The following MAPK10 variants were observed in gnomAD, a reference collection of about 807,000 sequenced individuals.
MAPK10 encodes the protein mitogen-activated protein kinase 10.
A neutral mutation model predicts 59.3 loss-of-function variants in MAPK10; 25 were observed. That is an observed-to-expected ratio of 0.42 (90% CI 0.31 to 0.59). The LOEUF (loss-of-function observed/expected upper bound fraction) is 0.59, where lower values mean the gene tolerates loss of function less well. MAPK10 is among the 20% of genes least tolerant of loss of function. MAPK10 has a pLI of 0.15. For synonymous variants in MAPK10, 190 were observed against 200.5 expected (o/e 0.95, Z 0.44); for missense variants, 351 against 568.9 (o/e 0.62, Z 3.90).
chr4:86,581,902 TATATATATATATATATATA>T (rs1762315912), intron 1 of MAPK10, among the ~76,000 whole-genome samples: 2 of 1,842 alleles, frequency 1.1e-3, no homozygotes, highest in African/African-American at 4.6e-3. Context: ...ATATATATTA[TATATATATATATATATATA>T]TATATATATA....
chr4:86,080,263 G>T (rs2050365210), intron 9 of MAPK10: 1 of 151,024 alleles, frequency 6.6e-6, no homozygotes, highest in Non-Finnish European at 1.5e-5. Context: ...TAAATAAAAA[G>T]AAATCCATGC....
At position 86,066,841 on chromosome 4, in the gene MAPK10, T is replaced by A. The variant is rs931167733; in HGVS notation, c.985+932A>T. Among the ~76,000 whole-genome samples the A allele has an allele frequency of 2.0e-5, 3 of 151,228 alleles. No individual in the cohort carries two copies. The South Asian group carries it at 6.3e-4, about 32-fold the overall frequency. On this transcript the variant is annotated intron_variant, in intron 10 of 13. Coordinates refer to ENST00000641462, the MANE Select transcript of MAPK10 (RefSeq NM_138982.4). Reference sequence around the variant, plus strand: ...CATGAACTACACCAATACAAAATCATCTTGCTAAGAAACAATACTATTTTT... The same window carrying A: ...CATGAACTACACCAATACAAAATCAACTTGCTAAGAAACAATACTATTTTT...
chr4:86,378,759 A>G (rs1365872820), intron 1 of MAPK10, among the ~76,000 whole-genome samples: 1 of 152,216 alleles, frequency 6.6e-6, no homozygotes, highest in East Asian at 1.9e-4. Flanking sequence ...GGCACTGGAT[A>G]GGCCTTGGGA....
At chr4:86,086,733 A>C (rs1360833129) in intron 9 of MAPK10, among the ~76,000 whole-genome samples, 1 of 152,114 alleles carries the variant, frequency 6.6e-6, no homozygotes, top group African/African-American at 2.4e-5. Context: ...GTCTCTATTT[A>C]ATAGATTTAG....
At chr4:86,424,821 T>G (rs1054056127) in intron 1 of MAPK10, among the ~76,000 whole-genome samples, 3 of 152,132 alleles carry the variant, frequency 2.0e-5, no homozygotes, top group African/African-American at 7.2e-5. Flanking sequence ...TAATTTGATA[T>G]GAAGACAAAC....
chr4:86,554,090 G>C (rs1269639507), intron 1 of MAPK10, among the ~76,000 whole-genome samples: 1 of 151,862 alleles, frequency 6.6e-6, no homozygotes, highest in South Asian at 2.1e-4. Flanking sequence ...AGGACGAGGG[G>C]GTAGTCATGG....
chr4:86,356,469 C>T (rs982230844), intron 1 of MAPK10: 11 of 905,310 alleles, frequency 1.2e-5, no homozygotes, highest in East Asian at 2.4e-4. Context: ...TACCTGATGT[C>T]TCCTCTTAAG....
intron 2 of MAPK10, among the ~76,000 whole-genome samples, chr4:86,330,149 T>A (rs141620625): frequency 7.3e-4 from 111 of 152,344 alleles, no homozygotes; most frequent in Admixed American, 1.5e-3. Flanking sequence ...CCGTTCAGAA[T>A]AATCAATGTC....
chr4:86,293,182 T>C (rs1487463042), intron 2 of MAPK10, among the ~76,000 whole-genome samples: 2 of 152,208 alleles, frequency 1.3e-5, no homozygotes, highest in African/African-American at 4.8e-5. Context: ...AAAATTAATG[T>C]TCCAAAATGT....
chr4:86,435,138 C>G (rs1388386141), intron 1 of MAPK10, among the ~76,000 whole-genome samples: 1 of 151,872 alleles, frequency 6.6e-6, no homozygotes. Flanking sequence ...AGGAAGGGGC[C>G]AGGGGATGAA....
At position 86,013,121 on chromosome 4, in the gene MAPK10, G is replaced by A. The variant is rs1741885223; in HGVS notation, c.*4107C>T. The stretch of plus-strand genomic sequence containing the variant: ...AAACAGAGGCCCCTCACTTCAGTTT[G>A]GCTGACCAAAGAAACAGGTCAAAGT... On this transcript the variant is annotated 3_prime_UTR_variant, in exon 14 of 14. Transcript: ENST00000641462. 6.6e-6 allele frequency: 1 copy of A among 152,102 alleles called. No homozygotes were observed. The highest frequency in any genetic ancestry group is 2.4e-5 in the African/African-American group (1 of 41,428). The allele number at this position is 152,102 out of a possible 1,614,324, so 9.4% of individuals were successfully genotyped here. A position where few individuals can be genotyped will look rare whatever the true frequency, so the allele number is the denominator to read the frequency against.
At chr4:86,080,177 C>T (rs1160289919) in intron 9 of MAPK10, 4 of 151,640 alleles carry the variant, frequency 2.6e-5, no homozygotes, top group South Asian at 2.1e-4. Context: ...ATAAAATATT[C>T]GAAGAAACGA....
intron 1 of MAPK10, among the ~76,000 whole-genome samples, chr4:86,409,742 C>T (rs1343021999): frequency 1.3e-5 from 2 of 152,168 alleles, no homozygotes; most frequent in Admixed American, 6.5e-5. Context: ...GATTTTTGCA[C>T]ATTGATTTTG....
At chr4:86,370,537 C>A (rs1267764895) in intron 1 of MAPK10, among the ~76,000 whole-genome samples, 1 of 151,894 alleles carries the variant, frequency 6.6e-6, no homozygotes, top group Non-Finnish European at 1.5e-5. Context: ...GAGAAATGGT[C>A]ACCATCAAAA....
At chr4:86,184,719 G>A (rs563019159) in intron 3 of MAPK10, among the ~76,000 whole-genome samples, 4 of 152,198 alleles carry the variant, frequency 2.6e-5, no homozygotes, top group African/African-American at 9.6e-5. Context: ...CACGCTGGCC[G>A]TGTGAGATGC....
At chr4:86,458,740 C>T (rs565823324) in intron 1 of MAPK10, among the ~76,000 whole-genome samples, 1 of 152,290 alleles carries the variant, frequency 6.6e-6, no homozygotes, top group East Asian at 1.9e-4. Flanking sequence ...ACTGGATCCT[C>T]ATCTCTCACC....
At chr4:86,052,085 G>A (rs1007811019) in intron 11 of MAPK10, among the ~76,000 whole-genome samples, 11 of 151,836 alleles carry the variant, frequency 7.2e-5, no homozygotes, top group African/African-American at 2.7e-4. Flanking sequence ...TTTTTATAAT[G>A]TTAATAGTTT....
At chr4:86,547,928 T>TC (rs1177002745) in intron 1 of MAPK10, among the ~76,000 whole-genome samples, 1 of 152,128 alleles carries the variant, frequency 6.6e-6, no homozygotes, top group African/African-American at 2.4e-5. Flanking sequence ...AACGCACCAA[T>TC]CAGCGCCCTG....
intron 9 of MAPK10, among the ~76,000 whole-genome samples, chr4:86,087,637 T>C (rs1650383168): frequency 6.6e-6 from 1 of 152,080 alleles, no homozygotes; most frequent in Non-Finnish European, 1.5e-5. Context: ...TAGAAAAAAG[T>C]TTTTAGTAAG....
Sources: allele counts gnomAD v4.1 joint callset (sites outside exome capture counted in the v4.1 genomes callset), GRCh38; gene constraint gnomAD v4.1.1; transcripts MANE v1.5; gene names NCBI Gene and HGNC (gene_info 2026-07-23, HGNC 2026-07-21).